GAB2: variants seen among roughly 807,000 people sequenced by gnomAD.
The protein encoded by GAB2 is GRB2-associated-binding protein 2.
Under a neutral mutation model 65.5 loss-of-function variants are expected in GAB2, and 26 were observed. The ratio of observed to expected loss-of-function variants is 0.40; its 90% CI spans 0.29 to 0.55. The LOEUF (loss-of-function observed/expected upper bound fraction) is 0.55, where lower values mean the gene tolerates loss of function less well. Ranked by LOEUF, GAB2 falls within the 20% of genes least tolerant of loss-of-function variation. GAB2 has a pLI of 0.53. For synonymous variants in GAB2, 321 were observed against 329.6 expected (o/e 0.97, Z 0.28); for missense variants, 884 against 875.8 (o/e 1.01, Z -0.12).
chr11:78,223,129 A>G (rs903205543), intron 6 of GAB2, among the ~76,000 whole-genome samples: 1 of 152,222 alleles, frequency 6.6e-6, no homozygotes. Flanking sequence ...GTGAGATTGT[A>G]GCAGACGAGG....
intron 1 of GAB2, among the ~76,000 whole-genome samples, chr11:78,381,193 G>A (rs1421060737): frequency 1.3e-5 from 2 of 152,170 alleles, no homozygotes; most frequent in African/African-American, 4.8e-5. Context: ...TTCTTCCACT[G>A]AAAATGTCCC....
intron 3 of GAB2, among the ~76,000 whole-genome samples, chr11:78,249,344 A>G (rs927779950): frequency 6.6e-6 from 1 of 152,258 alleles, no homozygotes; most frequent in African/African-American, 2.4e-5. Context: ...CTTAATTGTC[A>G]TAACATGAAT....
chr11:78,265,139 A>G (rs1366125625), intron 2 of GAB2, among the ~76,000 whole-genome samples: 1 of 151,306 alleles, frequency 6.6e-6, no homozygotes, highest in Non-Finnish European at 1.5e-5. Context: ...TAAAGTCATT[A>G]ATGTTGTGGG....
chr11:78,407,646 A>T (rs554469496), intron 1 of GAB2, among the ~76,000 whole-genome samples: 2 of 127,660 alleles, frequency 1.6e-5, no homozygotes, highest in Admixed American at 8.7e-5. Context: ...AGAAAGAAAG[A>T]AAGAAAGAAA....
chr11:78,307,075 T>C (rs1006083595), intron 1 of GAB2, among the ~76,000 whole-genome samples: 1 of 152,214 alleles, frequency 6.6e-6, no homozygotes, highest in Non-Finnish European at 1.5e-5. Flanking sequence ...ACAGTATTAA[T>C]GGTCAATAAA....
At chr11:78,280,355 C>T in intron 2 of GAB2, 1 of 528,132 alleles carries the variant, frequency 1.9e-6, no homozygotes, top group East Asian at 3.2e-5. Context: ...GTTGAGGCAC[C>T]TAAGGAAACA....
Position 78,379,408 on chromosome 11 carries a change from C to T in GAB2, c.75+38238G>A, listed in dbSNP as rs140417400. Among the ~76,000 whole-genome samples, 71 of 152,262 alleles carry T rather than the reference C, an allele frequency of 4.7e-4. No individual in the cohort carries two copies. The East Asian group carries it at 0.011, about 24-fold the overall frequency. ...AAATGTCCTTGGCTGTCTTTCTTGC[C>T]TTGGTTTCCTCCTTAGTAAGTGTAA... On this transcript the variant is annotated intron_variant, in intron 1 of 9. Coordinates refer to ENST00000361507, the MANE Select transcript of GAB2 (RefSeq NM_080491.3).
chr11:78,354,602 G>A (rs1856330150), intron 1 of GAB2, among the ~76,000 whole-genome samples: 1 of 152,074 alleles, frequency 6.6e-6, no homozygotes. Context: ...CCAAAGACCT[G>A]GTCTGGACAG....
intron 1 of GAB2, among the ~76,000 whole-genome samples, chr11:78,349,923 A>AAAAAAAAG (rs927718643): frequency 4.0e-5 from 6 of 150,944 alleles, no homozygotes; most frequent in African/African-American, 7.4e-5. Context: ...TGACAGAGGT[A>AAAAAAAAG]AAAAAAAGAA....
chr11:78,266,867 A>G (rs1250805690), intron 2 of GAB2, among the ~76,000 whole-genome samples: 1 of 152,220 alleles, frequency 6.6e-6, no homozygotes, highest in Non-Finnish European at 1.5e-5. Context: ...GCAGGTTCTG[A>G]GTGGTAAGGG....
chr11:78,416,770 G>A (rs1235702981), intron 1 of GAB2, among the ~76,000 whole-genome samples: 5 of 146,644 alleles, frequency 3.4e-5, no homozygotes, highest in African/African-American at 5.2e-5. Context: ...ATCCTCTGGG[G>A]AGAGGGGTTA....
At chr11:78,375,561 C>A (rs562489514) in intron 1 of GAB2, among the ~76,000 whole-genome samples, 10 of 152,226 alleles carry the variant, frequency 6.6e-5, no homozygotes, top group African/African-American at 2.4e-4. Context: ...AGGTATAGTT[C>A]CCAATATGCC....
intron 1 of GAB2, among the ~76,000 whole-genome samples, chr11:78,361,288 G>C (rs954470322): frequency 3.3e-5 from 5 of 152,052 alleles, no homozygotes; most frequent in African/African-American, 1.2e-4. Flanking sequence ...TAGCCTATAA[G>C]AGGGAAAGTC....
chr11:78,396,933 A>G (rs1321953217), intron 1 of GAB2, among the ~76,000 whole-genome samples: 1 of 152,202 alleles, frequency 6.6e-6, no homozygotes, highest in Non-Finnish European at 1.5e-5. Context: ...TAAAGCACAC[A>G]AAGGGTGAAA....
rs1252370266 is a variant in GAB2 at position 78,349,922 on chromosome 11, T to TA, written c.75+67723dup. On this transcript the variant is annotated intron_variant, in intron 1 of 9. Transcript: ENST00000361507. ...GCGAATGGATCACAGATGACAGAGGTAAAAAAAAGAAAAAAAGAAAAAAAA... is the reference window on the plus strand; with the variant it reads ...GCGAATGGATCACAGATGACAGAGGTAAAAAAAAAGAAAAAAAGAAAAAAAA... Among the ~76,000 whole-genome samples the TA allele has an allele frequency of 7.3e-4, 104 of 141,926 alleles. 1 individual carries two copies. Among genetic ancestry groups the TA allele is most frequent in the Admixed American group, 3.6e-3 (51 of 14,294 alleles). 93.1% of individuals were successfully genotyped at this position (141,926 alleles called of 152,430 possible).
chr11:78,415,989 T>G (rs1305925557), intron 1 of GAB2, among the ~76,000 whole-genome samples: 1 of 151,666 alleles, frequency 6.6e-6, no homozygotes, highest in Admixed American at 6.6e-5. Flanking sequence ...CTAGCTTGTA[T>G]GGAAATCTAT....
intron 3 of GAB2, among the ~76,000 whole-genome samples, chr11:78,245,710 A>T (rs1482705949): frequency 6.6e-6 from 1 of 152,248 alleles, no homozygotes; most frequent in Non-Finnish European, 1.5e-5. Flanking sequence ...TTTCACAGTT[A>T]TGCAGGGATT....
intron 1 of GAB2, among the ~76,000 whole-genome samples, chr11:78,358,670 T>G (rs1049446532): frequency 6.6e-6 from 1 of 151,924 alleles, no homozygotes; most frequent in African/African-American, 2.4e-5. Flanking sequence ...ATGTTTAACC[T>G]AGGCCTCAAA....
intron 1 of GAB2, among the ~76,000 whole-genome samples, chr11:78,386,719 A>C (rs1856772740): frequency 6.6e-6 from 1 of 152,216 alleles, no homozygotes; most frequent in Non-Finnish European, 1.5e-5. Flanking sequence ...TAATACCAGG[A>C]GGGAACATCC....
Sources: allele counts gnomAD v4.1 joint callset (sites outside exome capture counted in the v4.1 genomes callset), GRCh38; gene constraint gnomAD v4.1.1; transcripts MANE v1.5; gene names NCBI Gene and HGNC (gene_info 2026-07-23, HGNC 2026-07-21).